The following EBF1 variants were observed in gnomAD, a reference collection of about 807,000 sequenced individuals.
EBF1 encodes EBF transcription factor 1, also known as transcription factor COE1.
Under a neutral mutation model 68.4 loss-of-function variants are expected in EBF1, and 10 were observed. The observed-to-expected ratio is 0.15, with a 90% CI of 0.09 to 0.25. EBF1 has a LOEUF of 0.25. Ranked by LOEUF, EBF1 falls within the 10% of genes least tolerant of loss-of-function variation. The pLI is 1.00. For missense variants in EBF1, 509 were observed against 794.4 expected, an observed-to-expected ratio of 0.64 and a Z score of 4.32; for synonymous variants, 298 against 299.8, an observed-to-expected ratio of 0.99 and a Z score of 0.06.
Position 158,697,330 on chromosome 5 carries a change from A to G in EBF1, c.*1781T>C, listed in dbSNP as rs541396150. On this transcript the variant is annotated 3_prime_UTR_variant, in exon 16 of 16. Transcript: ENST00000313708. ...TTCTTAACTTACAAATAATACAAAA[A>G]TAGACAATGACTTTTGGGTGGAAAT... The G allele has an allele frequency of 2.0e-5, 4 of 196,372 alleles. No individual in the cohort carries two copies. In the East Asian group the frequency reaches 3.2e-4, roughly 16 times the overall value. The allele number at this position is 196,372 out of a possible 1,614,324, so 12.2% of individuals were successfully genotyped here.
At chr5:158,797,235 T>C (rs926328147) in intron 8 of EBF1, among the ~76,000 whole-genome samples, 4 of 152,230 alleles carry the variant, frequency 2.6e-5, no homozygotes. Flanking sequence ...GGAAATAATT[T>C]GCAAATACTG....
At chr5:158,802,801 A>G (rs1361167272) in intron 8 of EBF1, among the ~76,000 whole-genome samples, 1 of 152,084 alleles carries the variant, frequency 6.6e-6, no homozygotes, top group Non-Finnish European at 1.5e-5. Context: ...GAAAATGCCT[A>G]CTTGTGTTTT....
intron 6 of EBF1, among the ~76,000 whole-genome samples, chr5:158,878,397 G>C (rs947575417): frequency 6.6e-6 from 1 of 152,096 alleles, no homozygotes; most frequent in Non-Finnish European, 1.5e-5. Context: ...TTAAGGCACT[G>C]GTTTCTGGTG....
At chr5:158,808,991 A>T (rs1023337799) in intron 8 of EBF1, among the ~76,000 whole-genome samples, 3 of 152,020 alleles carry the variant, frequency 2.0e-5, no homozygotes, top group Non-Finnish European at 2.9e-5. Context: ...TATCTTTCCC[A>T]TTTATTATTT....
At chr5:159,059,952 C>A (rs564865041) in intron 6 of EBF1, among the ~76,000 whole-genome samples, 1 of 152,264 alleles carries the variant, frequency 6.6e-6, no homozygotes, top group South Asian at 2.1e-4. Context: ...TGAGGTCAGC[C>A]TGCCTTGACC....
At chr5:158,975,011 C>G (rs1164079203) in intron 6 of EBF1, among the ~76,000 whole-genome samples, 2 of 152,144 alleles carry the variant, frequency 1.3e-5, no homozygotes, top group African/African-American at 4.8e-5. Context: ...GGGACCTTGA[C>G]TAATGGGTAC....
At chr5:158,892,912 T>A (rs1201540653) in intron 6 of EBF1, among the ~76,000 whole-genome samples, 3 of 152,204 alleles carry the variant, frequency 2.0e-5, no homozygotes, top group African/African-American at 4.8e-5. Flanking sequence ...CTTTGATTTT[T>A]TTTCTAACCC....
chr5:158,777,623 C>T, intron 9 of EBF1, 84 bp from the exon 10 acceptor site: 1 of 1,374,148 alleles, frequency 7.3e-7, no homozygotes, highest in South Asian at 1.7e-5. Flanking sequence ...ATAAACAAAG[C>T]TTTAAAACAC....
chr5:158,803,618 G>A (rs557291599), intron 8 of EBF1, among the ~76,000 whole-genome samples: 62 of 152,074 alleles, frequency 4.1e-4, no homozygotes, highest in Non-Finnish European at 6.5e-4. Context: ...TGGTACCAGA[G>A]TATGCAAACT....
intron 11 of EBF1, among the ~76,000 whole-genome samples, chr5:158,726,790 C>A (rs190211676): frequency 3.9e-5 from 6 of 152,260 alleles, no homozygotes; most frequent in African/African-American, 9.6e-5. Context: ...AACATAGTGA[C>A]GGCAGTGAGG....
chr5:158,991,806 T>C lies in EBF1; in HGVS notation c.554+81590A>G, dbSNP rs79724874. Among the ~76,000 whole-genome samples, 47 of 152,364 alleles carry C rather than the reference T, an allele frequency of 3.1e-4. 1 individual carries two copies. In the East Asian group the frequency reaches 7.7e-3, roughly 25 times the overall value. ...CATATAAAATTCAAGCCATTTCTTA[T>C]GTTGTGTCTGTGTTACCTGTGGAGT... On this transcript the variant is annotated intron_variant, in intron 6 of 15. Coordinates refer to ENST00000313708, the MANE Select transcript of EBF1 (RefSeq NM_024007.5).
At chr5:158,980,051 G>A (rs965291128) in intron 6 of EBF1, among the ~76,000 whole-genome samples, 10 of 152,178 alleles carry the variant, frequency 6.6e-5, no homozygotes, top group Admixed American at 1.3e-4. Context: ...GACTTCATTA[G>A]GCAATTGAGT....
intron 8 of EBF1, among the ~76,000 whole-genome samples, chr5:158,799,433 TAATTAATTA>T (rs1320959467): frequency 6.1e-5 from 2 of 32,930 alleles, no homozygotes; most frequent in South Asian, 1.9e-3. Flanking sequence ...ATAAATAAAT[TAATTAATTA>T]AATTAAATTA....
chr5:158,892,699 T>C (rs1801417325), intron 6 of EBF1, among the ~76,000 whole-genome samples: 1 of 152,124 alleles, frequency 6.6e-6, no homozygotes, highest in East Asian at 1.9e-4. Flanking sequence ...ATGGGTACAA[T>C]CCCCATGATA....
At chr5:158,735,611 G>A (rs1008194746) in intron 10 of EBF1, among the ~76,000 whole-genome samples, 33 of 152,072 alleles carry the variant, frequency 2.2e-4, no homozygotes, top group African/African-American at 7.5e-4. Flanking sequence ...GTGATACTGG[G>A]GAATGGATAT....
intron 6 of EBF1, among the ~76,000 whole-genome samples, chr5:159,042,963 T>C (rs1204490117): frequency 6.6e-6 from 1 of 152,134 alleles, no homozygotes; most frequent in Non-Finnish European, 1.5e-5. Flanking sequence ...AAAATATCTC[T>C]GGAAAGGATA....
At chr5:158,817,784 A>G (rs1414980292) in intron 8 of EBF1, among the ~76,000 whole-genome samples, 1 of 152,028 alleles carries the variant, frequency 6.6e-6, no homozygotes, top group East Asian at 1.9e-4. Context: ...CTCTATTCAC[A>G]TCATATATTC....
chr5:158,710,203 A>G (rs183520593), intron 14 of EBF1, among the ~76,000 whole-genome samples: 33 of 152,290 alleles, frequency 2.2e-4, no homozygotes, highest in Non-Finnish European at 4.1e-4. Flanking sequence ...CTGAGAGCAT[A>G]TTTGAGAATT....
At position 159,099,618 on chromosome 5, in the gene EBF1, A is replaced by C. The variant is rs993382548; in HGVS notation, c.-140T>G. On this transcript the variant is annotated 5_prime_UTR_variant, in exon 1 of 16. Coordinates refer to ENST00000313708, the MANE Select transcript of EBF1 (RefSeq NM_024007.5). ...TTTTTTTCTCAGACGATGAACTCGCACTTAGAAGATCAAGGCGGGCTGGAA... is the reference window on the plus strand; with the variant it reads ...TTTTTTTCTCAGACGATGAACTCGCCCTTAGAAGATCAAGGCGGGCTGGAA... 1.2e-5 allele frequency: 15 copies of C among 1,208,578 alleles called. No homozygotes were observed. In the Admixed American group the frequency reaches 4.7e-4, roughly 38 times the overall value. 74.9% of individuals were successfully genotyped at this position (1,208,578 alleles called of 1,614,324 possible).
Sources: allele counts gnomAD v4.1 joint callset (sites outside exome capture counted in the v4.1 genomes callset), GRCh38; gene constraint gnomAD v4.1.1; transcripts MANE v1.5; gene names NCBI Gene and HGNC (gene_info 2026-07-23, HGNC 2026-07-21).